The following SNTG1 variants were observed in gnomAD, a reference collection of about 807,000 sequenced individuals.
The protein encoded by SNTG1 is gamma-1-syntrophin.
Under a neutral mutation model 74.7 loss-of-function variants are expected in SNTG1, and 39 were observed. The ratio of observed to expected loss-of-function variants is 0.52; its 90% CI spans 0.40 to 0.68. The LOEUF is 0.68. Among genes scored for constraint, SNTG1 ranks in the 30% least tolerant of loss-of-function variants. The probability of loss-of-function intolerance (pLI) is 0.00; values close to 1 mark genes in which losing one functional copy is unlikely to be tolerated. For missense variants in SNTG1, 685 were observed against 609.5 expected, an observed-to-expected ratio of 1.12 and a Z score of -1.30; for synonymous variants, 254 against 217.1, an observed-to-expected ratio of 1.17 and a Z score of -1.49.
At chr8:50,132,913 G>A (rs2081361347) in intron 1 of SNTG1, among the ~76,000 whole-genome samples, 1 of 152,078 alleles carries the variant, frequency 6.6e-6, no homozygotes, top group African/African-American at 2.4e-5. Flanking sequence ...TTGTGGACTG[G>A]ATCCATGAGT....
chr8:50,342,461 C>T (rs565679413), intron 2 of SNTG1, among the ~76,000 whole-genome samples: 4 of 151,958 alleles, frequency 2.6e-5, no homozygotes, highest in Non-Finnish European at 5.9e-5. Flanking sequence ...CTTTGCATTG[C>T]AAAAATAGTT....
At chr8:50,052,439 AC>A (rs1345372082) in intron 1 of SNTG1, among the ~76,000 whole-genome samples, 1 of 152,138 alleles carries the variant, frequency 6.6e-6, no homozygotes, top group Non-Finnish European at 1.5e-5. Flanking sequence ...TGCATTATGC[AC>A]TTAAATGGAA....
chr8:50,660,270 GAGA>G, intron 15 of SNTG1, among the ~76,000 whole-genome samples: 1 of 148,950 alleles, frequency 6.7e-6, no homozygotes, highest in African/African-American at 2.5e-5. Context: ...AGGAGAGAGA[GAGA>G]GAAAGAAGGA....
intron 2 of SNTG1, among the ~76,000 whole-genome samples, chr8:50,314,244 A>C (rs1194490332): frequency 6.8e-6 from 1 of 147,736 alleles, no homozygotes; most frequent in East Asian, 2.0e-4. Flanking sequence ...CCCTCATACT[A>C]TATGTCTTGT....
At chr8:50,425,446 T>A (rs2093151083) in intron 4 of SNTG1, among the ~76,000 whole-genome samples, 1 of 152,166 alleles carries the variant, frequency 6.6e-6, no homozygotes, top group Admixed American at 6.6e-5. Flanking sequence ...GATCTGTCAC[T>A]GTCTCTCATC....
intron 2 of SNTG1, among the ~76,000 whole-genome samples, chr8:50,202,522 A>C (rs1381346381): frequency 6.6e-6 from 1 of 152,016 alleles, no homozygotes; most frequent in Non-Finnish European, 1.5e-5. Context: ...TTACGGCTTG[A>C]TAGTGCATTT....
chr8:50,104,134 T>A (rs910742692), intron 1 of SNTG1, among the ~76,000 whole-genome samples: 1 of 152,200 alleles, frequency 6.6e-6, no homozygotes, highest in African/African-American at 2.4e-5. Context: ...TCAGAAGGAA[T>A]GGTACCAGTT....
At chr8:49,910,605 C>A (rs570348251), upstream of SNTG1, among the ~76,000 whole-genome samples, 10 of 152,272 alleles carry the variant, frequency 6.6e-5, no homozygotes, top group African/African-American at 2.4e-4. Flanking sequence ...TGACAGCACT[C>A]GGGACCACGC....
chr8:50,609,054 T>C (rs559748164), intron 13 of SNTG1, among the ~76,000 whole-genome samples: 10 of 152,058 alleles, frequency 6.6e-5, no homozygotes, highest in Non-Finnish European at 1.3e-4. Context: ...TCCAGGATTA[T>C]TCATGTTTTA....
At chr8:50,687,545 A>G (rs1241433145) in intron 15 of SNTG1, among the ~76,000 whole-genome samples, 5 of 152,242 alleles carry the variant, frequency 3.3e-5, no homozygotes, top group Non-Finnish European at 7.3e-5. Context: ...ACAAGGAGCA[A>G]CATTATGTAG....
chr8:50,083,730 A>G (rs890228804), intron 1 of SNTG1, among the ~76,000 whole-genome samples: 2 of 152,214 alleles, frequency 1.3e-5, no homozygotes. Context: ...ACAGATATGT[A>G]TCTGTGTTGT....
intron 4 of SNTG1, among the ~76,000 whole-genome samples, chr8:50,422,022 A>G (rs981662566): frequency 3.4e-4 from 52 of 152,246 alleles, no homozygotes; most frequent in African/African-American, 1.2e-3. Flanking sequence ...GTTTCTTTTC[A>G]GACTTTTAAA....
chr8:50,336,985 C>T (rs993330834), intron 2 of SNTG1, among the ~76,000 whole-genome samples: 4 of 152,174 alleles, frequency 2.6e-5, no homozygotes, highest in Admixed American at 2.6e-4. Context: ...ATGTGTCAGA[C>T]ATTATAATCA....
intron 13 of SNTG1, among the ~76,000 whole-genome samples, chr8:50,591,990 A>G (rs2094694873): frequency 6.6e-6 from 1 of 152,162 alleles, no homozygotes; most frequent in African/African-American, 2.4e-5. Flanking sequence ...GCTTCTGCTT[A>G]CTTGCTCTGT....
intron 12 of SNTG1, 96 bp from the exon 13 acceptor site, chr8:50,590,783 A>T (rs1314666022): frequency 2.8e-6 from 2 of 705,984 alleles, no homozygotes. Context: ...ATATTAGTAT[A>T]TATTAGCTCA....
chr8:49,997,358 A>G lies in SNTG1; in HGVS notation c.-103+85127A>G, dbSNP rs145640424. On this transcript the variant is annotated intron_variant, in intron 1 of 18. Coordinates refer to ENST00000642720, the MANE Select transcript of SNTG1 (RefSeq NM_018967.5). ...GCCTTCATAGATTATTCCCATAAGT[A>G]TATAAATATATTGTTATTTTTTCAA... 8.8e-3 allele frequency among the ~76,000 whole-genome samples: 1,337 copies of G among 152,200 alleles called. 19 individuals are homozygous for G. The highest frequency in any genetic ancestry group is 0.031 in the African/African-American group (1,288 of 41,528).
rs911054397 is a variant in SNTG1, at chr8:50,427,492, G to A, written c.163-11051G>A. 2.0e-5 allele frequency among the ~76,000 whole-genome samples: 3 copies of A among 152,116 alleles called. No individual in the cohort carries two copies. In the East Asian group the frequency reaches 5.8e-4, roughly 29 times the overall value. Reference sequence around the variant, plus strand: ...TTACCAAGCTTGGGTGCAGTGGCATGATCATAGCTCACCACAGCCTCAAAC... The same window carrying A: ...TTACCAAGCTTGGGTGCAGTGGCATAATCATAGCTCACCACAGCCTCAAAC... On this transcript the variant is annotated intron_variant, in intron 4 of 18. Coordinates refer to ENST00000642720, the MANE Select transcript of SNTG1 (RefSeq NM_018967.5).
At chr8:50,250,675 A>G (rs1214388262) in intron 2 of SNTG1, among the ~76,000 whole-genome samples, 1 of 152,128 alleles carries the variant, frequency 6.6e-6, no homozygotes, top group Non-Finnish European at 1.5e-5. Context: ...AAACACTGAA[A>G]GATAATAAAC....
At chr8:50,774,171 C>G (rs531089594) in intron 18 of SNTG1, among the ~76,000 whole-genome samples, 30 of 151,654 alleles carry the variant, frequency 2.0e-4, no homozygotes, top group African/African-American at 7.0e-4. Flanking sequence ...AAAGGGAATA[C>G]CAAGAAAACA....
Sources: gnomAD v4.1 joint callset for allele counts (sites outside exome capture counted in the v4.1 genomes callset) on GRCh38, gnomAD v4.1.1 for gene constraint, MANE v1.5 for transcripts, NCBI Gene and HGNC (gene_info 2026-07-23, HGNC 2026-07-21) for gene names.